The following SARS2 variants were observed in gnomAD, a reference collection of about 807,000 sequenced individuals.
The protein encoded by SARS2 is seryl-tRNA synthetase 2, mitochondrial.
A neutral mutation model predicts 66.8 loss-of-function variants in SARS2; 52 were observed. The observed-to-expected ratio is 0.78, with a 90% CI of 0.62 to 0.98. SARS2 has a LOEUF of 0.98. Ranked by LOEUF, SARS2 falls within the 50% of genes least tolerant of loss-of-function variation. SARS2 has a pLI of 0.00. For synonymous variants in SARS2, 306 were observed against 281.4 expected, an observed-to-expected ratio of 1.09 and a Z score of -0.87; for missense variants, 673 against 706.3, an observed-to-expected ratio of 0.95 and a Z score of 0.53.
At chr19:38,927,531 T>C (rs953692783) in intron 1 of SARS2, among the ~76,000 whole-genome samples, 1 of 150,976 alleles carries the variant, frequency 6.6e-6, no homozygotes, top group African/African-American at 2.4e-5. Flanking sequence ...TGAGCCAAGA[T>C]CATGCCACTG....
At chr19:38,921,278 C>A in intron 5 of SARS2, 114 bp downstream of exon 5, 1 of 1,131,952 alleles carries the variant, frequency 8.8e-7, no homozygotes, top group Non-Finnish European at 1.3e-6. Context: ...CCTGTACCGC[C>A]AGGAGTTCTC....
intron 2 of SARS2, among the ~76,000 whole-genome samples, chr19:38,924,650 T>G (rs1457131945): frequency 3.9e-5 from 6 of 152,118 alleles, no homozygotes; most frequent in Non-Finnish European, 2.9e-5. Flanking sequence ...TTTTTCTGGT[T>G]GTTTTTTCTC....
rs768681363 is a variant in SARS2, at chr19:38,915,867, C to T, written c.1387G>A (p.Ala463Thr). 30 of 1,613,736 alleles carry T rather than the reference C, an allele frequency of 1.9e-5. No individual in the cohort carries two copies. Among genetic ancestry groups the T allele is most frequent in the East Asian group, 8.9e-5 (4 of 44,882 alleles). ...TACAVPRLLI[A>T]LLESNQQKDG... ...TTCTGCTGGTTACTCTCCAGGAGCG[C>T]GATGAGAAGGCGGGGGACAGCACAG... The change falls in exon 15 of 16, where the codon GCG becomes ACG. Residue 463 changes from alanine to threonine, a missense_variant. Transcript: ENST00000221431.
At chr19:38,918,308 C>T (rs1974454996) in intron 9 of SARS2, 114 bp downstream of exon 9, 2 of 1,188,694 alleles carry the variant, frequency 1.7e-6, no homozygotes, top group African/African-American at 3.0e-5. Flanking sequence ...ACATGTTGGC[C>T]CTGGGGCTGC....
At chr19:38,919,719 C>A in intron 7 of SARS2, 43 bp downstream of exon 7, 1 of 1,526,044 alleles carries the variant, frequency 6.6e-7, no homozygotes, top group African/African-American at 1.4e-5. Flanking sequence ...AGCTCAGCTT[C>A]GATGCCACCC....
Position 38,926,231 on chromosome 19 carries a change from C to T in SARS2, c.337G>A (p.Val113Met), listed in dbSNP as rs1399622503. 1 of 1,606,820 alleles carries T rather than the reference C, an allele frequency of 6.2e-7. No individual in the cohort carries two copies. Among genetic ancestry groups the T allele is most frequent in the Non-Finnish European group, 8.5e-7 (1 of 1,179,976 alleles). The stretch of plus-strand genomic sequence containing the variant: ...AGCAGGGCCCGCACTGCCTCAGTCA[C>T]AGCTGCCTTCTCTTCCTCCAGGCTC... ...IRSLEEEKAA[V>M]TEAVRALLAN... The change falls in exon 2 of 16, where the codon GTG becomes ATG. Residue 113 changes from valine to methionine, a missense_variant. Coordinates refer to ENST00000221431, the MANE Select transcript of SARS2 (RefSeq NM_017827.4).
intron 12 of SARS2, among the ~76,000 whole-genome samples, chr19:38,917,441 G>T (rs1018195594): frequency 1.3e-5 from 2 of 152,218 alleles, no homozygotes; most frequent in Non-Finnish European, 2.9e-5. Flanking sequence ...GCACAGATGA[G>T]GCAGTGGCCC....
intron 7 of SARS2, 60 bp from the exon 8 acceptor site, chr19:38,918,873 C>T (rs1480262038): frequency 2.0e-6 from 3 of 1,513,662 alleles, no homozygotes; most frequent in Non-Finnish European, 2.7e-6. Context: ...CCAAGCTCAG[C>T]CCTGAAGAAG....
At chr19:38,919,701 G>T in intron 7 of SARS2, 61 bp downstream of exon 7, 1 of 1,297,444 alleles carries the variant, frequency 7.7e-7, no homozygotes, top group Non-Finnish European at 1.1e-6. Flanking sequence ...TCCCCGTTGG[G>T]CCCTCTGAGC....
chr19:38,921,795 G>T, intron 3 of SARS2, 128 bp from the exon 4 acceptor site: 1 of 1,423,482 alleles, frequency 7.0e-7, no homozygotes, highest in Non-Finnish European at 9.6e-7. Flanking sequence ...CCAGGATCCT[G>T]AACGTCTTCG....
Position 38,917,758 on chromosome 19 carries a change from T to C in SARS2, c.1126A>G (p.Met376Val), listed in dbSNP as rs1346313359. Residue 376 changes from methionine (M) to valine (V), a missense_variant, in exon 12 of 16, where the codon ATG becomes GTG. Transcript: ENST00000221431. Reference sequence around the variant, plus strand: ...AAGCCCAGCTCTGTCAAGATCTCCATCTGAAGGGACAGGAACTCCTCCAGC... The same window carrying C: ...AAGCCCAGCTCTGTCAAGATCTCCACCTGAAGGGACAGGAACTCCTCCAGC... ...QLLEEFLSLQ[M>V]EILTELGLHF... 7.0e-7 allele frequency: 1 copy of C among 1,430,368 alleles called. No individual in the cohort carries two copies. The allele number at this position is 1,430,368 out of a possible 1,614,324, so 88.6% of individuals were successfully genotyped here. A position where few individuals can be genotyped will look rare whatever the true frequency, so the allele number is the denominator to read the frequency against.
chr19:38,916,396 A>G (rs968737852), intron 12 of SARS2, 82 bp from the exon 13 acceptor site: 11 of 1,290,032 alleles, frequency 8.5e-6, no homozygotes, highest in African/African-American at 1.5e-5. Flanking sequence ...ATGGAAGAGA[A>G]GGCAGCCAAA....
In SARS2 at chr19:38,922,279, G is replaced by C. The variant is rs540398571; in HGVS notation, c.364-12C>G. ...CTGTCCTGGTTTGCCTGGTAGAAAA[G>C]AGACAGGGTGGGTGATTAGGTTGAC... is the stretch of plus-strand genomic sequence containing the variant. On this transcript the variant is annotated splice_polypyrimidine_tract_variant and intron_variant, in intron 2 of 15. Coordinates refer to ENST00000221431, the MANE Select transcript of SARS2 (RefSeq NM_017827.4). 38 of 1,614,072 alleles carry C rather than the reference G, an allele frequency of 2.4e-5. No homozygotes were observed. Among genetic ancestry groups the C allele is most frequent in the Admixed American group, 6.7e-5 (4 of 60,010 alleles).
At position 38,916,134 on chromosome 19, in the gene SARS2, G is replaced by T. The variant is rs927901431; in HGVS notation, c.1255-5C>A. Reference sequence around the variant, plus strand: ...GCAGTTGGAAGCACTGGTGACCTGGGGTGGAGGAGCGGCAGGCTGAGCGGA... The same window carrying T: ...GCAGTTGGAAGCACTGGTGACCTGGTGTGGAGGAGCGGCAGGCTGAGCGGA... On this transcript the variant is annotated splice_region_variant and splice_polypyrimidine_tract_variant and intron_variant, in intron 13 of 15. Transcript: ENST00000221431. 1.9e-5 allele frequency: 30 copies of T among 1,613,840 alleles called. No individual in the cohort carries two copies. The African/African-American group carries it at 2.4e-4, about 13-fold the overall frequency.
In SARS2 at chr19:38,915,456, G is replaced by T; in HGVS notation, c.*150C>A. 1 of 804,580 alleles carries T rather than the reference G, an allele frequency of 1.2e-6. No homozygotes were observed. The allele number at this position is 804,580 out of a possible 1,614,324, so 49.8% of individuals were successfully genotyped here. A position where few individuals can be genotyped will look rare whatever the true frequency, so the allele number is the denominator to read the frequency against. ...TCTGAGGCAGCAAGGACAGAGGAGA[G>T]GTGGACCCCGTGGTCCAGGGGCCCG... On this transcript the variant is annotated 3_prime_UTR_variant, in exon 16 of 16. Coordinates refer to ENST00000221431, the MANE Select transcript of SARS2 (RefSeq NM_017827.4).
rs2144765203 is a variant in SARS2, at chr19:38,918,682, G to A, written c.807+84C>T. Reference sequence around the variant, plus strand: ...GCCCCCTCAACCCAGCCCCAGGGCGGTCTCCTCAGGTTTCCCTGCCTCGGG... The same window carrying A: ...GCCCCCTCAACCCAGCCCCAGGGCGATCTCCTCAGGTTTCCCTGCCTCGGG... On this transcript the variant is annotated intron_variant, in intron 8 of 15. Transcript: ENST00000221431. The A allele has an allele frequency of 7.3e-6, 11 of 1,498,562 alleles. 1 individual carries two copies. The highest frequency in any genetic ancestry group is 2.4e-5 in the South Asian group (2 of 83,168). The allele number at this position is 1,498,562 out of a possible 1,614,324, so 92.8% of individuals were successfully genotyped here.
Position 38,915,318 on chromosome 19 carries a change from A to G in SARS2, c.*288T>C. The G allele has an allele frequency of 1.8e-6, 1 of 549,518 alleles. No homozygotes were observed. Among genetic ancestry groups the G allele is most frequent in the East Asian group, 2.9e-5 (1 of 34,836 alleles). 34.0% of individuals were successfully genotyped at this position (549,518 alleles called of 1,614,324 possible). On this transcript the variant is annotated 3_prime_UTR_variant, in exon 16 of 16. Coordinates refer to ENST00000221431, the MANE Select transcript of SARS2 (RefSeq NM_017827.4). The stretch of plus-strand genomic sequence containing the variant: ...TTTGCTCAGCACTGTAGGAGGAAAG[A>G]AGGAAGGAGGGATGGAAGCCTCTTC...
At chr19:38,926,426 A>G (rs1568428315) in intron 1 of SARS2, 126 bp from the exon 2 acceptor site, 3 of 795,328 alleles carry the variant, frequency 3.8e-6, no homozygotes, top group Middle Eastern at 3.3e-4. Context: ...CTCAGTGGCC[A>G]TCCTCCCCTC....
Position 38,922,024 on chromosome 19 carries a change from G to A in SARS2, c.393+214C>T, listed in dbSNP as rs373754523. ...TACACAAGGAGAGAAAGCTGGCCTG[G>A]GAATGGGAGGAACGTAGGACCAAAT... On this transcript the variant is annotated intron_variant, in intron 3 of 15. Coordinates refer to ENST00000221431, the MANE Select transcript of SARS2 (RefSeq NM_017827.4). The A allele has an allele frequency of 1.8e-4, 281 of 1,553,140 alleles. 5 individuals carry two copies. The East Asian group carries it at 2.4e-3, about 13-fold the overall frequency.
Sources: allele counts gnomAD v4.1 joint callset (sites outside exome capture counted in the v4.1 genomes callset), GRCh38; gene constraint gnomAD v4.1.1; transcripts MANE v1.5; gene names NCBI Gene and HGNC (gene_info 2026-07-23, HGNC 2026-07-21).